The following HEY2 variants were observed in gnomAD, a reference collection of about 807,000 sequenced individuals.
HEY2 encodes hairy/enhancer-of-split related with YRPW motif protein 2.
A neutral mutation model predicts 18.1 loss-of-function variants in HEY2; 10 were observed. That is an observed-to-expected ratio of 0.55 (90% CI 0.34 to 0.94). The LOEUF is 0.94. HEY2 is among the 40% of genes least tolerant of loss of function. HEY2 has a pLI of 0.02. For synonymous variants in HEY2, 210 were observed against 182.7 expected, an observed-to-expected ratio of 1.15 and a Z score of -1.21; for missense variants, 455 against 455.9, an observed-to-expected ratio of 1.00 and a Z score of 0.02.
intron 3 of HEY2, among the ~76,000 whole-genome samples, chr6:125,752,337 C>A (rs189909373): frequency 6.7e-6 from 1 of 150,114 alleles, no homozygotes; most frequent in Admixed American, 6.7e-5. Flanking sequence ...TTATTTTCCC[C>A]TTAAGGGTAA....
rs536471883 is a variant in HEY2, at chr6:125,759,965, C to CT, written c.*171dup. 2.4e-5 allele frequency: 16 copies of CT among 658,032 alleles called. No homozygotes were observed. The highest frequency in any genetic ancestry group is 6.0e-5 in the South Asian group (3 of 50,036). 40.8% of individuals were successfully genotyped at this position (658,032 alleles called of 1,614,324 possible). On this transcript the variant is annotated 3_prime_UTR_variant, in exon 5 of 5. Coordinates refer to ENST00000368364, the MANE Select transcript of HEY2 (RefSeq NM_012259.3). ...CTCACGAGTGGAAATGTGGTATTCT[C>CT]TTTTTTTTCTCTCCCTTTTTTGTTT...
At position 125,761,066 on chromosome 6, in the gene HEY2, GAC is replaced by G. The variant is rs1192346023; in HGVS notation, c.*1268_*1269del. On this transcript the variant is annotated 3_prime_UTR_variant, in exon 5 of 5. Coordinates refer to ENST00000368364, the MANE Select transcript of HEY2 (RefSeq NM_012259.3). ...GAGAGTTTTTGTTTAAAAGATAAGA[GAC>G]ACAGCATGTATTATGCACTTCATTT... 6.6e-6 allele frequency: 1 copy of G among 152,618 alleles called. No individual in the cohort carries two copies. The highest frequency in any genetic ancestry group is 2.1e-4 in the South Asian group (1 of 4,828). 9.5% of individuals were successfully genotyped at this position (152,618 alleles called of 1,614,324 possible).
Position 125,759,499 on chromosome 6 carries a change from C to G in HEY2, c.711C>G (p.Ala237=). The change falls in exon 5 of 5, where the codon GCC becomes GCG. Residue 237 remains alanine, a synonymous_variant. Transcript: ENST00000368364. ...LTATFAHADS[A]LRMPSTGSVA... ...CCACGTTTGCCCATGCGGATTCAGC[C>G]CTCCGAATGCCATCCACGGGCAGCG... The G allele has an allele frequency of 1.2e-6, 2 of 1,611,360 alleles. No homozygotes were observed. Among genetic ancestry groups the G allele is most frequent in the Non-Finnish European group, 1.7e-6 (2 of 1,179,994 alleles).
rs1221480860 is a variant in HEY2 at position 125,757,931 on chromosome 6, C to CA, written c.329-1185dup. ...GGCCACTGCACTCCAGCCTGGGTGA[C>CA]AGAGTGAAATCCTGTCTCAAAGATA... On this transcript the variant is annotated intron_variant, in intron 4 of 4. Transcript: ENST00000368364. Among the ~76,000 whole-genome samples the CA allele has an allele frequency of 5.9e-4, 90 of 152,210 alleles. 1 individual carries two copies. Among genetic ancestry groups the CA allele is most frequent in the Admixed American group, 5.6e-3 (85 of 15,290 alleles).
At chr6:125,755,948 G>C (rs939002750) in intron 4 of HEY2, among the ~76,000 whole-genome samples, 2 of 152,298 alleles carry the variant, frequency 1.3e-5, no homozygotes, top group African/African-American at 4.8e-5. Flanking sequence ...GCTACCTCAG[G>C]ATGTTAGGAT....
At chr6:125,751,946 A>G (rs1384073760) in intron 2 of HEY2, 61 bp from the exon 3 acceptor site, 2 of 1,586,756 alleles carry the variant, frequency 1.3e-6, no homozygotes, top group Non-Finnish European at 1.7e-6. Flanking sequence ...ACATTTTTTC[A>G]TTTGAGTAAT....
chr6:125,759,754 A>T lies in HEY2; in HGVS notation c.966A>T (p.Thr322=). Residue 322 remains threonine, a synonymous_variant, in exon 5 of 5, where the codon ACA becomes ACT. Transcript: ENST00000368364. ...TSSPQQTSSG[T]NNKPYRPWGT... is the part of the protein sequence containing the mutation. Reference sequence around the variant, plus strand: ...GTCCTCAGCAGACCAGCAGTGGAACAAACAATAAACCTTACCGACCCTGGG... The same window carrying T: ...GTCCTCAGCAGACCAGCAGTGGAACTAACAATAAACCTTACCGACCCTGGG... 1 of 1,613,992 alleles carries T rather than the reference A, an allele frequency of 6.2e-7. No homozygotes were observed. The highest frequency in any genetic ancestry group is 8.5e-7 in the Non-Finnish European group (1 of 1,180,036).
In HEY2 at chr6:125,759,337, T is replaced by A. The variant is rs746469199; in HGVS notation, c.549T>A (p.His183Gln). The change falls in exon 5 of 5, where the codon CAT becomes CAA. Residue 183 changes from histidine to glutamine, a missense_variant. Transcript: ENST00000368364. ...MAHHHHPLHPHHWAAAFHHLP... is the reference protein window; with the variant it reads ...MAHHHHPLHPQHWAAAFHHLP... Reference sequence around the variant, plus strand: ...ACCACCATCATCCGCTCCACCCGCATCACTGGGCCGCCGCCTTCCACCACC... The same window carrying A: ...ACCACCATCATCCGCTCCACCCGCAACACTGGGCCGCCGCCTTCCACCACC... 6.9e-6 allele frequency: 11 copies of A among 1,604,484 alleles called. No homozygotes were observed. Among genetic ancestry groups the A allele is most frequent in the African/African-American group, 1.3e-5 (1 of 74,850 alleles).
Position 125,759,102 on chromosome 6 carries a change from C to A in HEY2, c.329-15C>A. On this transcript the variant is annotated splice_polypyrimidine_tract_variant and intron_variant, in intron 4 of 4. Transcript: ENST00000368364. ...TCTCTCTCCTGTTCCCTACTTTGCT[C>A]AAACCCACTTTTAGGCTACTTTGAC... 2 of 1,573,714 alleles carry A rather than the reference C, an allele frequency of 1.3e-6. No homozygotes were observed. Among genetic ancestry groups the A allele is most frequent in the South Asian group, 2.4e-5 (2 of 84,384 alleles).
At chr6:125,757,889 G>A (rs1773695222) in intron 4 of HEY2, among the ~76,000 whole-genome samples, 3 of 152,206 alleles carry the variant, frequency 2.0e-5, no homozygotes, top group Admixed American at 1.3e-4. Flanking sequence ...GATGGAGCCT[G>A]CAGTGAGCTG....
At chr6:125,755,120 A>G (rs1167517491) in intron 4 of HEY2, among the ~76,000 whole-genome samples, 1 of 152,160 alleles carries the variant, frequency 6.6e-6, no homozygotes, top group Non-Finnish European at 1.5e-5. Context: ...AAGTCTCTAC[A>G]CCAGAAGCCA....
At position 125,759,580 on chromosome 6, in the gene HEY2, C is replaced by A; in HGVS notation, c.792C>A (p.Val264=). 6.2e-7 allele frequency: 1 copy of A among 1,610,694 alleles called. No individual in the cohort carries two copies. Among genetic ancestry groups the A allele is most frequent in the Non-Finnish European group, 8.5e-7 (1 of 1,179,826 alleles). The change falls in exon 5 of 5, where the codon GTC becomes GTA. Residue 264 remains valine (V), a synonymous_variant. Transcript: ENST00000368364. The part of the protein sequence containing the change: ...STSLLSLSAT[V]HAAAAAATAA... ...CTCTCTTGTCCCTCTCTGCCACCGT[C>A]CACGCCGCAGCCGCAGCAGCCACCG...
At position 125,752,089 on chromosome 6, in the gene HEY2, A is replaced by G. The variant is rs1773554105; in HGVS notation, c.245A>G (p.Gln82Arg). ...RRLVPTAFEK[Q>R]GSAKLEKAEI... is the part of the protein sequence containing the mutation. ...CTTGTGCCAACTGCTTTTGAAAAAC[A>G]AGTAAGCTATCCCCTCCCCAGAATC... Residue 82 changes from glutamine to arginine, a missense_variant and splice_region_variant, in exon 3 of 5, where the codon CAA becomes CGA. By Grantham distance (43) the Gln-to-Arg change is conservative (BLOSUM62 1). Coordinates refer to ENST00000368364, the MANE Select transcript of HEY2 (RefSeq NM_012259.3). 5 of 1,608,142 alleles carry G rather than the reference A, an allele frequency of 3.1e-6. No individual in the cohort carries two copies. The highest frequency in any genetic ancestry group is 1.7e-4 in the Middle Eastern group (1 of 5,884).
intron 3 of HEY2, among the ~76,000 whole-genome samples, chr6:125,753,939 G>C (rs969603063): frequency 6.6e-6 from 1 of 152,186 alleles, no homozygotes; most frequent in East Asian, 1.9e-4. Flanking sequence ...TATGGTTCTA[G>C]TGTGAATACC....
chr6:125,755,953 T>C (rs1056363187), intron 4 of HEY2, among the ~76,000 whole-genome samples: 1 of 152,188 alleles, frequency 6.6e-6, no homozygotes, highest in African/African-American at 2.4e-5. Flanking sequence ...CTCAGGATGT[T>C]AGGATACTGA....
intron 1 of HEY2, 68 bp from the exon 2 acceptor site, chr6:125,751,733 C>A: frequency 1.0e-6 from 1 of 996,786 alleles, no homozygotes; most frequent in Non-Finnish European, 1.6e-6. Context: ...TTAATGGGTG[C>A]CACAAGTACC....
rs3734640 is a variant in HEY2 at position 125,759,023 on chromosome 6, T to A, written c.329-94T>A. On this transcript the variant is annotated intron_variant, in intron 4 of 4. Coordinates refer to ENST00000368364, the MANE Select transcript of HEY2 (RefSeq NM_012259.3). ...GTCTTCTGAAGGACAGAGTGGAACA[T>A]CAGTGGGTGGTTATTGTTGACTATA... is the stretch of plus-strand genomic sequence containing the variant. 4,743 of 837,254 alleles carry A rather than the reference T, an allele frequency of 5.7e-3. 103 individuals are homozygous for A. Among genetic ancestry groups the A allele is most frequent in the East Asian group, 0.056 (2,220 of 39,452 alleles). 51.9% of individuals were successfully genotyped at this position (837,254 alleles called of 1,614,324 possible). A position where few individuals can be genotyped will look rare whatever the true frequency, so the allele number is the denominator to read the frequency against.
chr6:125,759,452 C>T lies in HEY2; in HGVS notation c.664C>T (p.His222Tyr), dbSNP rs746189266. Residue 222 changes from histidine to tyrosine, a missense_variant, in exon 5 of 5, where the codon CAC becomes TAC. By Grantham distance (83) the His-to-Tyr change is moderately conservative. Coordinates refer to ENST00000368364, the MANE Select transcript of HEY2 (RefSeq NM_012259.3). The stretch of plus-strand genomic sequence containing the variant: ...CACAACTTCAGAAGTGCCTCCTGCC[C>T]ACGGCTCTGCTCTCCTCACGGCCAC... The part of the protein sequence containing the change: ...LSTTSEVPPA[H>Y]GSALLTATFA... 24 of 1,611,652 alleles carry T rather than the reference C, an allele frequency of 1.5e-5. No individual in the cohort carries two copies. Among genetic ancestry groups the T allele is most frequent in the Non-Finnish European group, 1.9e-5 (23 of 1,179,990 alleles).
At chr6:125,750,901 A>G (rs905216664) in intron 1 of HEY2, among the ~76,000 whole-genome samples, 3 of 152,236 alleles carry the variant, frequency 2.0e-5, no homozygotes, top group Non-Finnish European at 2.9e-5. Flanking sequence ...TTCTAAAATG[A>G]AAGAGAACAA....
Sources: allele counts gnomAD v4.1 joint callset (sites outside exome capture counted in the v4.1 genomes callset), GRCh38; gene constraint gnomAD v4.1.1; transcripts MANE v1.5; gene names NCBI Gene and HGNC (gene_info 2026-07-23, HGNC 2026-07-21).